PDE6A: variants seen among roughly 807,000 people sequenced by gnomAD.
The protein encoded by PDE6A is rod cGMP-specific 3',5'-cyclic phosphodiesterase subunit alpha.
PDE6A carries 84 observed loss-of-function variants against 106.3 expected under a neutral mutation model. The ratio of observed to expected loss-of-function variants is 0.79; its 90% CI spans 0.66 to 0.95. The LOEUF (loss-of-function observed/expected upper bound fraction) is 0.95. Ranked by LOEUF, PDE6A falls within the 40% of genes least tolerant of loss-of-function variation. PDE6A has a pLI of 0.00. For synonymous variants in PDE6A, 394 were observed against 386.6 expected (o/e 1.02, Z -0.23); for missense variants, 1,052 against 1,084.9 (o/e 0.97, Z 0.43).
At chr5:149,868,041 C>T in intron 18 of PDE6A, 54 bp downstream of exon 18, 3 of 1,548,782 alleles carry the variant, frequency 1.9e-6, no homozygotes, top group Non-Finnish European at 2.7e-6. Context: ...GCCTCATGAC[C>T]TGATGCCCCC....
intron 7 of PDE6A, among the ~76,000 whole-genome samples, chr5:149,905,075 C>T (rs1352072684): frequency 1.3e-5 from 2 of 152,200 alleles, no homozygotes; most frequent in Non-Finnish European, 2.9e-5. Flanking sequence ...CACCAGTTCA[C>T]TCTGCTGCAT....
At chr5:149,902,607 G>T (rs1753019677) in intron 8 of PDE6A, among the ~76,000 whole-genome samples, 1 of 151,906 alleles carries the variant, frequency 6.6e-6, no homozygotes, top group Admixed American at 6.6e-5. Flanking sequence ...GATCACCTGC[G>T]GTCAGGAGTT....
intron 12 of PDE6A, among the ~76,000 whole-genome samples, chr5:149,895,855 A>G (rs1344083080): frequency 6.6e-6 from 1 of 152,064 alleles, no homozygotes; most frequent in Non-Finnish European, 1.5e-5. Context: ...GGTGGTGTGG[A>G]TGTGGTCTGG....
intron 1 of PDE6A, among the ~76,000 whole-genome samples, chr5:149,937,106 T>C (rs1172901372): frequency 6.6e-6 from 1 of 152,100 alleles, no homozygotes; most frequent in Non-Finnish European, 1.5e-5. Context: ...GGCTGGTGGG[T>C]AGGGAGCCTT....
chr5:149,921,274 T>C (rs1753710071), intron 5 of PDE6A, among the ~76,000 whole-genome samples: 1 of 151,720 alleles, frequency 6.6e-6, no homozygotes, highest in African/African-American at 2.4e-5. Flanking sequence ...ACTTAGCTTC[T>C]TGTTAGTATA....
intron 17 of PDE6A, among the ~76,000 whole-genome samples, chr5:149,880,687 A>G (rs1760890419): frequency 6.6e-6 from 1 of 151,666 alleles, no homozygotes; most frequent in African/African-American, 2.4e-5. Context: ...CCTGGGCAAC[A>G]GAGCGAGACT....
intron 5 of PDE6A, among the ~76,000 whole-genome samples, chr5:149,918,840 C>T (rs1753627526): frequency 1.3e-5 from 2 of 151,992 alleles, no homozygotes; most frequent in South Asian, 4.2e-4. Flanking sequence ...TTAGGCAGGT[C>T]TTGAACTCCT....
intron 3 of PDE6A, chr5:149,932,465 T>A: frequency 7.1e-7 from 1 of 1,410,412 alleles, no homozygotes; most frequent in Non-Finnish European, 1.0e-6. Context: ...GTCTTGAAAA[T>A]GAAACATCCT....
intron 1 of PDE6A, among the ~76,000 whole-genome samples, chr5:149,942,796 A>G (rs915534065): frequency 2.6e-5 from 4 of 151,958 alleles, no homozygotes; most frequent in African/African-American, 9.7e-5. Context: ...CTTGATGTGC[A>G]CGGAGGCCAG....
rs1049901181 is a variant in PDE6A at position 149,934,836 on chromosome 5, G to A, written c.475-118C>T. 3.2e-6 allele frequency: 3 copies of A among 950,190 alleles called. No homozygotes were observed. The Admixed American group carries it at 5.8e-5, about 18-fold the overall frequency. The allele number at this position is 950,190 out of a possible 1,614,324, so 58.9% of individuals were successfully genotyped here. A position where few individuals can be genotyped will look rare whatever the true frequency, so the allele number is the denominator to read the frequency against. On this transcript the variant is annotated intron_variant, in intron 1 of 21. Coordinates refer to ENST00000255266, the MANE Select transcript of PDE6A (RefSeq NM_000440.3). ...CTTCCATCTATTCCTCTTCAACAGG[G>A]GCAGGGAAATCAGAGATGACATCTG...
intron 1 of PDE6A, among the ~76,000 whole-genome samples, chr5:149,939,831 A>G (rs1754280064): frequency 6.6e-6 from 1 of 152,146 alleles, no homozygotes; most frequent in African/African-American, 2.4e-5. Context: ...TCAAATACCC[A>G]GTGCGATGCC....
chr5:149,944,272 G>A lies in PDE6A; in HGVS notation c.402C>T (p.Phe134=). Residue 134 remains phenylalanine (F), a synonymous_variant, in exon 1 of 22, where the codon TTC becomes TTT. Transcript: ENST00000255266. ...CLVMPDQEIV[F]PLDMGIVGHV... is the part of the protein sequence containing the mutation. ...GGCCCACGATGCCCATGTCCAAAGG[G>A]AAGACGATCTCTTGGTCGGGCATCA... 1 of 1,613,974 alleles carries A rather than the reference G, an allele frequency of 6.2e-7. No individual in the cohort carries two copies. Among genetic ancestry groups the A allele is most frequent in the Non-Finnish European group, 8.5e-7 (1 of 1,179,998 alleles).
Position 149,860,836 on chromosome 5 carries a change from T to G in PDE6A, c.*59A>C. ...TCAAGGTGTGTGGTCTTCCACTGGC[T>G]TGAGTCATCTCTTCCCAGGAAAGGG... On this transcript the variant is annotated 3_prime_UTR_variant, in exon 22 of 22. Coordinates refer to ENST00000255266, the MANE Select transcript of PDE6A (RefSeq NM_000440.3). 1 of 1,417,540 alleles carries G rather than the reference T, an allele frequency of 7.1e-7. No homozygotes were observed. Among genetic ancestry groups the G allele is most frequent in the Non-Finnish European group, 1.0e-6 (1 of 1,001,290 alleles). 87.8% of individuals were successfully genotyped at this position (1,417,540 alleles called of 1,614,324 possible).
At chr5:149,898,768 A>C (rs1377842843) in intron 9 of PDE6A, among the ~76,000 whole-genome samples, 2 of 152,062 alleles carry the variant, frequency 1.3e-5, no homozygotes, top group Non-Finnish European at 2.9e-5. Flanking sequence ...GTTTTTGCCT[A>C]TGTGGGGATA....
chr5:149,928,238 T>A (rs1460084278), intron 4 of PDE6A, among the ~76,000 whole-genome samples: 1 of 81,192 alleles, frequency 1.2e-5, no homozygotes, highest in Non-Finnish European at 2.4e-5. Flanking sequence ...TATATTTTTT[T>A]TTTTTTTTTT....
chr5:149,879,238 AT>A (rs1561698186), intron 17 of PDE6A, among the ~76,000 whole-genome samples: 1 of 151,582 alleles, frequency 6.6e-6, no homozygotes, highest in Non-Finnish European at 1.5e-5. Context: ...CGCCTAGATA[AT>A]TTTTGTATTT....
At chr5:149,892,469 T>C (rs1321775833) in intron 13 of PDE6A, among the ~76,000 whole-genome samples, 1 of 151,762 alleles carries the variant, frequency 6.6e-6, no homozygotes, top group Non-Finnish European at 1.5e-5. Flanking sequence ...AGAAATTGTA[T>C]GACATTTTCT....
At chr5:149,912,340 A>G (rs1438957446) in intron 6 of PDE6A, among the ~76,000 whole-genome samples, 2 of 152,174 alleles carry the variant, frequency 1.3e-5, no homozygotes, top group Admixed American at 1.3e-4. Context: ...TCATTTATTT[A>G]CTATTCAATT....
chr5:149,898,136 G>A (rs530476574), intron 10 of PDE6A, among the ~76,000 whole-genome samples: 11 of 152,266 alleles, frequency 7.2e-5, no homozygotes, highest in South Asian at 6.2e-4. Context: ...CAGTGCAGTC[G>A]TTATGTACCA....
Sources: allele counts gnomAD v4.1 joint callset (sites outside exome capture counted in the v4.1 genomes callset), GRCh38; gene constraint gnomAD v4.1.1; transcripts MANE v1.5; gene names NCBI Gene and HGNC (gene_info 2026-07-23, HGNC 2026-07-21).